Variants in C2orf74 observed in about 807,000 individuals in gnomAD.
C2orf74 encodes the protein DPM1 ER membrane anchor 1.
A neutral mutation model predicts 17.9 loss-of-function variants in C2orf74; 14 were observed. The observed-to-expected ratio is 0.78, with a 90% CI of 0.52 to 1.22. The LOEUF is 1.22. Ranked by LOEUF, C2orf74 falls within the 50% of genes most tolerant of loss-of-function variation. The probability of loss-of-function intolerance (pLI) is 0.00; values close to 1 mark genes in which losing one functional copy is unlikely to be tolerated. For synonymous variants in C2orf74, 79 were observed against 72.6 expected (o/e 1.09, Z -0.44); for missense variants, 217 against 218.4 (o/e 0.99, Z 0.04).
At chr2:61,147,335 G>A (rs1685101896) in intron 1 of C2orf74, among the ~76,000 whole-genome samples, 1 of 152,040 alleles carries the variant, frequency 6.6e-6, no homozygotes, top group African/African-American at 2.4e-5. Context: ...AAAGTGTTGG[G>A]ATTACAGGGG....
At chr2:61,150,167 C>T (rs548050580) in intron 1 of C2orf74, among the ~76,000 whole-genome samples, 3 of 152,232 alleles carry the variant, frequency 2.0e-5, no homozygotes, top group Admixed American at 2.0e-4. Context: ...CTCAGTTCTC[C>T]CTTAGGCCAA....
chr2:61,153,395 C>G (rs559199092), intron 1 of C2orf74, among the ~76,000 whole-genome samples: 1 of 151,446 alleles, frequency 6.6e-6, no homozygotes, highest in Non-Finnish European at 1.5e-5. Flanking sequence ...ATTCTCCTGC[C>G]TCAGCCTCCT....
At chr2:61,147,884 C>T (rs1049542166) in intron 1 of C2orf74, among the ~76,000 whole-genome samples, 2 of 151,814 alleles carry the variant, frequency 1.3e-5, no homozygotes, top group Admixed American at 6.6e-5. Context: ...TCTCCTGCCT[C>T]ATCCTCCCGA....
chr2:61,149,139 A>G (rs1685150001), intron 1 of C2orf74, among the ~76,000 whole-genome samples: 1 of 152,210 alleles, frequency 6.6e-6, no homozygotes, highest in Admixed American at 6.5e-5. Context: ...TATGAAGCCT[A>G]ACTACGGAGA....
chr2:61,159,951 C>T (rs1258743812), upstream of C2orf74, among the ~76,000 whole-genome samples: 1 of 152,206 alleles, frequency 6.6e-6, no homozygotes, highest in Non-Finnish European at 1.5e-5. Context: ...TAAATTGAAA[C>T]TCTACAGCCA....
intron 2 of C2orf74, 75 bp from the exon 3 acceptor site, chr2:61,162,767 C>T (rs927257725): frequency 1.8e-5 from 23 of 1,254,294 alleles, no homozygotes; most frequent in South Asian, 1.4e-4. Context: ...CCTGTTTAAA[C>T]GTGAAGTTTC....
upstream of C2orf74, among the ~76,000 whole-genome samples, chr2:61,160,414 T>G (rs1685529672): frequency 6.6e-6 from 1 of 152,114 alleles, no homozygotes; most frequent in African/African-American, 2.4e-5. Context: ...CGCCTCAGCC[T>G]CCCAAAGTGC....
At chr2:61,157,493 C>G (rs1035027086), upstream of C2orf74, among the ~76,000 whole-genome samples, 1 of 152,040 alleles carries the variant, frequency 6.6e-6, no homozygotes, top group Non-Finnish European at 1.5e-5. Context: ...ATCCATGAAC[C>G]CCAATTAAAC....
chr2:61,154,253 A>C (rs2103622672), intron 1 of C2orf74, among the ~76,000 whole-genome samples: 1 of 138,608 alleles, frequency 7.2e-6, no homozygotes, highest in South Asian at 2.4e-4. Context: ...AAAAAAAAAA[A>C]ATTTAGAATT....
chr2:61,162,894 A>G lies in C2orf74; in HGVS notation c.148A>G (p.Asn50Asp), dbSNP rs1386968459. The G allele has an allele frequency of 2.6e-6, 4 of 1,552,418 alleles. No homozygotes were observed. Among genetic ancestry groups the G allele is most frequent in the South Asian group, 1.2e-5 (1 of 84,064 alleles). Residue 50 changes from asparagine (N) to aspartate (D), a missense_variant, in exon 3 of 5, where the codon AAC becomes GAC. By Grantham distance (23) the Asn-to-Asp change is conservative (BLOSUM62 1). Coordinates refer to ENST00000432605, the MANE Select transcript of C2orf74 (RefSeq NM_001143959.4). ...AAAGAAAGTGCCTTGTACAGATGCAAACGGAGGTGTAGACTGTGCAGCTGC... is the reference window on the plus strand; with the variant it reads ...AAAGAAAGTGCCTTGTACAGATGCAGACGGAGGTGTAGACTGTGCAGCTGC... ...ETKKVPCTDA[N>D]GGVDCAAAKV... is the part of the protein sequence containing the mutation.
upstream of C2orf74, among the ~76,000 whole-genome samples, chr2:61,157,431 C>T (rs553500934): frequency 7.2e-5 from 11 of 152,196 alleles, no homozygotes; most frequent in Non-Finnish European, 1.2e-4. Flanking sequence ...GAAGAGGAGG[C>T]AGTGTGATGC....
intron 1 of C2orf74, chr2:61,151,820 C>T (rs1260568042): frequency 6.6e-6 from 1 of 152,256 alleles, no homozygotes; most frequent in East Asian, 1.9e-4. Flanking sequence ...AGATTTACTA[C>T]TATAAATCCA....
At chr2:61,158,414 A>T (rs1685461869), upstream of C2orf74, among the ~76,000 whole-genome samples, 1 of 152,180 alleles carries the variant, frequency 6.6e-6, no homozygotes, top group African/African-American at 2.4e-5. Context: ...GGATAGGGCA[A>T]GGGGTTGGGA....
At chr2:61,161,110 G>C (rs539666702), upstream of C2orf74, among the ~76,000 whole-genome samples, 32 of 152,256 alleles carry the variant, frequency 2.1e-4, no homozygotes, top group African/African-American at 7.2e-4. Flanking sequence ...TATTGGGTAT[G>C]AGGTGGTAAC....
chr2:61,153,491 C>T (rs887753937), intron 1 of C2orf74, among the ~76,000 whole-genome samples: 4 of 151,446 alleles, frequency 2.6e-5, no homozygotes, highest in African/African-American at 9.7e-5. Context: ...ACCATGTTAG[C>T]CAGGGTGGTC....
At chr2:61,162,648 T>C (rs1685596891) in intron 2 of C2orf74, 39 bp downstream of exon 2, 1 of 1,285,422 alleles carries the variant, frequency 7.8e-7, no homozygotes, top group Non-Finnish European at 1.1e-6. Flanking sequence ...AGATTTCAAG[T>C]CACATTAGCA....
At chr2:61,153,149 C>T (rs1421053941) in intron 1 of C2orf74, among the ~76,000 whole-genome samples, 1 of 56,218 alleles carries the variant, frequency 1.8e-5, no homozygotes, top group South Asian at 5.9e-4. Flanking sequence ...ACTCCGTCTC[C>T]AAAAAAAAAA....
intron 1 of C2orf74, among the ~76,000 whole-genome samples, chr2:61,152,668 G>T (rs1357979973): frequency 6.6e-6 from 1 of 151,204 alleles, no homozygotes; most frequent in Non-Finnish European, 1.5e-5. Context: ...GGGCAACATG[G>T]TGAAACCCCA....
In C2orf74 at chr2:61,162,449, T is replaced by G; in HGVS notation, c.-66T>G. ...AAGAACAAGAGAACTGCATTCAAAT[T>G]GAGCTGGAAAAGAATATTTGGACAG... On this transcript the variant is annotated 5_prime_UTR_variant, in exon 2 of 5. In the 5' UTR this introduces an upstream ATG that the reference lacks. Coordinates refer to ENST00000432605, the MANE Select transcript of C2orf74 (RefSeq NM_001143959.4). 2 of 1,195,054 alleles carry G rather than the reference T, an allele frequency of 1.7e-6. No individual in the cohort carries two copies. The highest frequency in any genetic ancestry group is 1.5e-5 in the African/African-American group (1 of 64,836). The allele number at this position is 1,195,054 out of a possible 1,614,324, so 74.0% of individuals were successfully genotyped here.
Sources: allele counts gnomAD v4.1 joint callset (sites outside exome capture counted in the v4.1 genomes callset), GRCh38; gene constraint gnomAD v4.1.1; transcripts MANE v1.5; gene names NCBI Gene and HGNC (gene_info 2026-07-23, HGNC 2026-07-21).